TRIM49: variants seen among roughly 807,000 people sequenced by gnomAD.
TRIM49 encodes tripartite motif-containing protein 49.
Under a neutral mutation model 27.4 loss-of-function variants are expected in TRIM49, and 5 were observed. That is an observed-to-expected ratio of 0.18 (90% confidence interval 0.10 to 0.38). TRIM49 has a LOEUF of 0.38. Ranked by LOEUF, TRIM49 falls within the 10% of genes least tolerant of loss-of-function variation. The pLI is 1.00. For synonymous variants in TRIM49, 69 were observed against 166.0 expected, an observed-to-expected ratio of 0.42 and a Z score of 4.49; for missense variants, 188 against 487.5, an observed-to-expected ratio of 0.39 and a Z score of 5.79.
the TRIM49 span, chr11:89,777,048 T>G: frequency 6.5e-7 from 1 of 1,547,744 alleles, no homozygotes; most frequent in Non-Finnish European, 8.7e-7. Flanking sequence ...AACTACTTCA[T>G]AGACCGGTCA....
downstream of TRIM49, among the ~76,000 whole-genome samples, chr11:89,793,636 A>G (rs3020910): frequency 1.4e-3 from 217 of 152,088 alleles, no homozygotes; most frequent in Admixed American, 2.7e-3. Flanking sequence ...CAAAAACCAC[A>G]TGATTATCTC....
the TRIM49 span, among the ~76,000 whole-genome samples, chr11:89,791,378 A>G: frequency 6.6e-6 from 1 of 152,104 alleles, no homozygotes; most frequent in Non-Finnish European, 1.5e-5. Flanking sequence ...ATTCAAATTC[A>G]GGAAATATAG....
intron 7 of TRIM49, 83 bp from the exon 8 acceptor site, chr11:89,798,712 C>T (rs1949713333): frequency 7.3e-7 from 1 of 1,374,866 alleles, no homozygotes; most frequent in Non-Finnish European, 9.3e-7. Context: ...AGTTACTTTA[C>T]CAGCAAATGT....
downstream of TRIM49, among the ~76,000 whole-genome samples, chr11:89,797,023 T>C (rs1444202095): frequency 2.0e-5 from 3 of 152,138 alleles, no homozygotes; most frequent in Non-Finnish European, 4.4e-5. Flanking sequence ...TCATTTATTC[T>C]GTATCTTTGA....
chr11:89,793,447 C>A (rs1949668555), downstream of TRIM49, among the ~76,000 whole-genome samples: 1 of 152,168 alleles, frequency 6.6e-6, no homozygotes, highest in Non-Finnish European at 1.5e-5. Flanking sequence ...GAATTTTAGA[C>A]CAATATCTCT....
At chr11:89,806,087 C>A (rs1343218719) in intron 2 of TRIM49, among the ~76,000 whole-genome samples, 1 of 149,716 alleles carries the variant, frequency 6.7e-6, no homozygotes, top group African/African-American at 2.5e-5. Flanking sequence ...CCTACTACAC[C>A]TATGGTATAC....
At chr11:89,785,022 T>A in the TRIM49 span, among the ~76,000 whole-genome samples, 23 of 150,094 alleles carry the variant, frequency 1.5e-4, no homozygotes, top group Non-Finnish European at 2.9e-4. Flanking sequence ...CTAAGAACAT[T>A]GTCAATCATT....
chr11:89,801,134 A>T, intron 5 of TRIM49, 146 bp from the exon 6 acceptor site: 1 of 1,497,014 alleles, frequency 6.7e-7, no homozygotes, highest in Non-Finnish European at 9.0e-7. Flanking sequence ...TTTCTTCTGT[A>T]AAGAAAAACC....
At chr11:89,803,940 A>G in intron 3 of TRIM49, 119 bp downstream of exon 3, 3 of 1,580,452 alleles carry the variant, frequency 1.9e-6, no homozygotes, top group Non-Finnish European at 2.6e-6. Flanking sequence ...AAGCTAAGAA[A>G]GCCCAAACAG....
the TRIM49 span, among the ~76,000 whole-genome samples, chr11:89,792,646 C>T: frequency 4.1e-4 from 62 of 152,014 alleles, no homozygotes; most frequent in African/African-American, 1.3e-3. Context: ...GAATGACTAC[C>T]GGGTACATAA....
chr11:89,806,268 G>C (rs542472482), intron 2 of TRIM49, among the ~76,000 whole-genome samples: 2 of 151,130 alleles, frequency 1.3e-5, no homozygotes, highest in African/African-American at 4.9e-5. Context: ...ACCCCCATAT[G>C]TGGTTTGTGG....
chr11:89,803,627 GT>G (rs1949758612), intron 4 of TRIM49, 70 bp downstream of exon 4: 1 of 819,648 alleles, frequency 1.2e-6, no homozygotes, highest in African/African-American at 1.7e-5. Context: ...TTGATATCAA[GT>G]TCCTATTTTA....
At chr11:89,796,745 GCATT>G (rs1949692482), downstream of TRIM49, among the ~76,000 whole-genome samples, 1 of 151,368 alleles carries the variant, frequency 6.6e-6, no homozygotes, top group South Asian at 2.1e-4. Flanking sequence ...CAGCTTTGTT[GCATT>G]CAGTGAGTTA....
the TRIM49 span, among the ~76,000 whole-genome samples, chr11:89,768,006 G>T: frequency 1.5e-5 from 2 of 137,682 alleles, no homozygotes; most frequent in Non-Finnish European, 3.0e-5. Flanking sequence ...TTGTTATATG[G>T]CTGATTCCAC....
At chr11:89,793,284 A>C (rs1333128070), downstream of TRIM49, among the ~76,000 whole-genome samples, 1 of 152,106 alleles carries the variant, frequency 6.6e-6, no homozygotes, top group African/African-American at 2.4e-5. Context: ...ATGGATTCAC[A>C]GCTGACTTCT....
Position 89,798,305 on chromosome 11 carries a change from G to T in TRIM49, c.1184C>A (p.Ser395Tyr), listed in dbSNP as rs1226103175. ...TGGGATATATTGCAGCATAAGTGGG[G>T]AGGTGGTAAAGAGACTGCATTGAAT... Reference protein sequence around the residue: ...NDIQCSLFTTSPLMLQYIPKP... With the variant: ...NDIQCSLFTTYPLMLQYIPKP... Residue 395 changes from serine to tyrosine, a missense_variant, in exon 8 of 8, where the codon TCC becomes TAC. Ser to Tyr is a moderately radical substitution (Grantham distance 144, BLOSUM62 -2). Around this residue, in one of 6 missense-constraint regions of TRIM49, gnomAD observed 94 missense variants for 149.6 expected, o/e 0.63. Coordinates refer to ENST00000329758, the MANE Select transcript of TRIM49 (RefSeq NM_020358.2). The T allele has an allele frequency of 6.4e-7, 1 of 1,574,644 alleles. No homozygotes were observed.
chr11:89,796,186 C>A (rs528933887), downstream of TRIM49, among the ~76,000 whole-genome samples: 10 of 152,130 alleles, frequency 6.6e-5, no homozygotes, highest in East Asian at 1.7e-3. Context: ...ATTTAAAATA[C>A]CTATAATTAG....
the TRIM49 span, among the ~76,000 whole-genome samples, chr11:89,792,079 G>C: frequency 4.0e-5 from 6 of 151,434 alleles, no homozygotes; most frequent in African/African-American, 1.2e-4. Flanking sequence ...ACAAAAAAAG[G>C]CAGGGGTTGC....
the TRIM49 span, among the ~76,000 whole-genome samples, chr11:89,785,155 A>G: frequency 7.5e-5 from 11 of 146,272 alleles, no homozygotes; most frequent in East Asian, 2.0e-3. Context: ...GGAGGCAAAG[A>G]TAGCAATGAA....
Sources: allele counts gnomAD v4.1 joint callset (sites outside exome capture counted in the v4.1 genomes callset), GRCh38; gene constraint gnomAD v4.1.1; regional missense constraint gnomAD v4.1.1; transcripts MANE v1.5; gene names NCBI Gene and HGNC (gene_info 2026-07-23, HGNC 2026-07-21).